The following SLC16A2 variants were observed in gnomAD, a reference collection of about 807,000 sequenced individuals.
The protein encoded by SLC16A2 is solute carrier family 16 member 2, also known as monocarboxylate transporter 8.
In SLC16A2, 3 loss-of-function variants were observed where a neutral mutation model predicts 27.2. The ratio of observed to expected loss-of-function variants is 0.11; its 90% CI spans 0.05 to 0.28. SLC16A2 has a LOEUF of 0.28. Ranked by LOEUF, SLC16A2 falls within the 10% of genes least tolerant of loss-of-function variation. The pLI is 1.00. For synonymous variants in SLC16A2, 202 were observed against 187.8 expected (o/e 1.08, Z -0.62); for missense variants, 295 against 458.5 (o/e 0.64, Z 3.26).
At chrX:74,465,045 G>A (rs982499355) in intron 1 of SLC16A2, among the ~76,000 whole-genome samples, 2 of 112,050 alleles carry the variant, frequency 1.8e-5, no homozygotes, top group Non-Finnish European at 3.8e-5. Context: ...CCTATGGCCA[G>A]CAAACAGCTG....
chrX:74,480,497 C>T (rs1929594326), intron 1 of SLC16A2, among the ~76,000 whole-genome samples: 1 of 112,275 alleles, frequency 8.9e-6, no homozygotes, highest in Non-Finnish European at 1.9e-5. Context: ...GTCCTGCACC[C>T]ACTGTCTGAC....
intron 1 of SLC16A2, among the ~76,000 whole-genome samples, chrX:74,430,026 C>T (rs139041896): frequency 2.4e-4 from 27 of 112,257 alleles, no homozygotes; most frequent in African/African-American, 8.7e-4. Context: ...TACCTCCTTA[C>T]ATCTGCCTAA....
chrX:74,519,725 A>C (rs957109260), intron 1 of SLC16A2, among the ~76,000 whole-genome samples: 4 of 69,644 alleles, frequency 5.7e-5, no homozygotes, highest in South Asian at 6.4e-4. Context: ...CAAAAAAAAA[A>C]AAAAACAAAA....
chrX:74,487,622 T>C (rs1193532525), intron 1 of SLC16A2, among the ~76,000 whole-genome samples: 1 of 112,311 alleles, frequency 8.9e-6, no homozygotes, highest in Non-Finnish European at 1.9e-5. Flanking sequence ...TTAAAGTGTT[T>C]ATTTTTACAA....
chrX:74,482,673 G>A (rs905716363), intron 1 of SLC16A2, among the ~76,000 whole-genome samples: 21 of 110,822 alleles, frequency 1.9e-4, no homozygotes, highest in African/African-American at 6.6e-4. Flanking sequence ...TCTATTTGAT[G>A]GAAAGAATTT....
At chrX:74,467,671 A>G (rs1009234516) in intron 1 of SLC16A2, among the ~76,000 whole-genome samples, 1 of 112,054 alleles carries the variant, frequency 8.9e-6, no homozygotes, top group African/African-American at 3.2e-5. Context: ...AGCCTTTGTA[A>G]CTACATAGTA....
intron 1 of SLC16A2, among the ~76,000 whole-genome samples, chrX:74,462,234 C>G (rs1308674417): frequency 1.8e-5 from 2 of 112,320 alleles, no homozygotes; most frequent in African/African-American, 6.5e-5. Flanking sequence ...TTGAGGTTCT[C>G]TTCATTAGTG....
intron 1 of SLC16A2, among the ~76,000 whole-genome samples, chrX:74,476,109 A>G (rs951733015): frequency 8.9e-6 from 1 of 111,735 alleles, no homozygotes; most frequent in African/African-American, 3.3e-5. Flanking sequence ...CTTCCTACCC[A>G]TGAGCATGGA....
chrX:74,533,562 T>TCTCACCAAGTCACCAG lies in SLC16A2; in HGVS notation c.*2009_*2010insCTCACCAAGTCACCAG, dbSNP rs1930605119. 1.8e-5 allele frequency: 2 copies of TCTCACCAAGTCACCAG among 112,608 alleles called. No homozygotes were observed. Among genetic ancestry groups the TCTCACCAAGTCACCAG allele is most frequent in the Non-Finnish European group, 3.8e-5 (2 of 53,268 alleles). 9.3% of individuals were successfully genotyped at this position (112,608 alleles called of 1,213,427 possible). A position where few individuals can be genotyped will look rare whatever the true frequency, so the allele number is the denominator to read the frequency against. ...ACCAAGTCACCAGAGGGTGGTTCTG[T>TCTCACCAAGTCACCAG]AGGACCTCTTTTGTTGCTTAAGATG... is the stretch of plus-strand genomic sequence containing the variant. On this transcript the variant is annotated 3_prime_UTR_variant, in exon 6 of 6. Coordinates refer to ENST00000587091, the MANE Select transcript of SLC16A2 (RefSeq NM_006517.5).
At chrX:74,454,277 C>T (rs868765445) in intron 1 of SLC16A2, among the ~76,000 whole-genome samples, 8 of 110,976 alleles carry the variant, frequency 7.2e-5, no homozygotes, top group Middle Eastern at 9.2e-3. Flanking sequence ...CACATGCACA[C>T]GTATGTTTAT....
Position 74,524,539 on chromosome X carries a change from G to A in SLC16A2, c.756G>A (p.Met252Ile), listed in dbSNP as rs1386499285. Reference protein sequence around the residue: ...FSMSFPFLIRMLGDKIKLAQT... With the variant: ...FSMSFPFLIRILGDKIKLAQT... ...TGTCCTTCCCCTTCCTCATCAGAAT[G>A]CTGGGGGATAAGATCAAGCTGGCCC... Residue 252 changes from methionine to isoleucine, a missense_variant, in exon 3 of 6, where the codon ATG (methionine) becomes ATA (isoleucine). Physicochemically the swap from Met to Ile is conservative, Grantham distance 10 (BLOSUM62 1). Coordinates refer to ENST00000587091, the MANE Select transcript of SLC16A2 (RefSeq NM_006517.5). The A allele has an allele frequency of 8.3e-7, 1 of 1,211,336 alleles. No individual in the cohort carries two copies. Among genetic ancestry groups the A allele is most frequent in the African/African-American group, 1.7e-5 (1 of 57,661 alleles).
intron 1 of SLC16A2, among the ~76,000 whole-genome samples, chrX:74,516,973 T>C (rs1318342961): frequency 8.9e-6 from 1 of 112,031 alleles, no homozygotes; most frequent in Non-Finnish European, 1.9e-5. Flanking sequence ...TTTATATAAC[T>C]TTCTTCAAAT....
At chrX:74,467,551 G>A (rs747372494) in intron 1 of SLC16A2, among the ~76,000 whole-genome samples, 1 of 111,586 alleles carries the variant, frequency 9.0e-6, no homozygotes, top group South Asian at 3.8e-4. Context: ...GAGCTTGAAG[G>A]CTGTGCACAT....
At chrX:74,524,147 C>T (rs1930452590) in intron 2 of SLC16A2, among the ~76,000 whole-genome samples, 1 of 111,505 alleles carries the variant, frequency 9.0e-6, no homozygotes, top group African/African-American at 3.3e-5. Flanking sequence ...GTTATGTTAC[C>T]TTGGGCTAAT....
intron 1 of SLC16A2, among the ~76,000 whole-genome samples, chrX:74,432,491 T>G (rs1036426615): frequency 8.9e-6 from 1 of 111,785 alleles, no homozygotes; most frequent in African/African-American, 3.3e-5. Flanking sequence ...AACAAAAATG[T>G]TTTGCTTTTT....
intron 1 of SLC16A2, chrX:74,473,744 A>G: frequency 1.2e-6 from 1 of 858,765 alleles, no homozygotes; most frequent in Non-Finnish European, 1.7e-6. Flanking sequence ...GGCTGCATCC[A>G]TCTCCCCCAC....
chrX:74,431,195 C>T (rs1258743609), intron 1 of SLC16A2, among the ~76,000 whole-genome samples: 1 of 112,605 alleles, frequency 8.9e-6, no homozygotes, highest in African/African-American at 3.2e-5. Context: ...TTTATAGTAG[C>T]AAAGACATGG....
chrX:74,492,813 C>T (rs1253595406), intron 1 of SLC16A2, among the ~76,000 whole-genome samples: 2 of 111,250 alleles, frequency 1.8e-5, no homozygotes, highest in African/African-American at 3.3e-5. Context: ...CCTTCTTTCC[C>T]TCCCCCTTTT....
At chrX:74,515,326 G>A (rs1284894403) in intron 1 of SLC16A2, among the ~76,000 whole-genome samples, 1 of 110,865 alleles carries the variant, frequency 9.0e-6, no homozygotes, top group Admixed American at 9.6e-5. Flanking sequence ...GAACTTGAAG[G>A]CAGAACAATA....
Sources: gnomAD v4.1 joint callset for allele counts (sites outside exome capture counted in the v4.1 genomes callset) on GRCh38, gnomAD v4.1.1 for gene constraint, MANE v1.5 for transcripts, NCBI Gene and HGNC (gene_info 2026-07-23, HGNC 2026-07-21) for gene names.